The following BNC2 variants were observed in gnomAD, a reference collection of about 807,000 sequenced individuals.
The protein encoded by BNC2 is basonuclin zinc finger protein 2.
BNC2 carries 20 observed loss-of-function variants against 76.3 expected under a neutral mutation model. The observed-to-expected ratio is 0.26, with a 90% CI of 0.18 to 0.38. The LOEUF is 0.38. BNC2 is among the 10% of genes least tolerant of loss of function. The probability of loss-of-function intolerance (pLI) is 1.00; values close to 1 mark genes in which losing one functional copy is unlikely to be tolerated. For missense variants in BNC2, 1,382 were observed against 1,399.8 expected (o/e 0.99, Z 0.20); for synonymous variants, 582 against 514.8 (o/e 1.13, Z -1.77).
intron 3 of BNC2, among the ~76,000 whole-genome samples, chr9:16,654,422 T>C (rs1010572868): frequency 6.6e-6 from 1 of 152,194 alleles, no homozygotes; most frequent in African/African-American, 2.4e-5. Flanking sequence ...TAATTACCTT[T>C]ACTATCTTCA....
In BNC2 at chr9:16,529,200, C is replaced by T. The variant is rs1030509299; in HGVS notation, c.669+23330G>A. ...CTTGACTTAATCACATCTGCAAAAA[C>T]CCTTTTTTCCAAATAAGGTACCATT... On this transcript the variant is annotated intron_variant, in intron 5 of 6. Transcript: ENST00000380672. 3.3e-5 allele frequency among the ~76,000 whole-genome samples: 5 copies of T among 152,152 alleles called. 1 individual carries two copies. Among genetic ancestry groups the T allele is most frequent in the Non-Finnish European group, 7.3e-5 (5 of 68,044 alleles).
chr9:16,860,755 A>T (rs547975919), intron 1 of BNC2, among the ~76,000 whole-genome samples: 3 of 152,344 alleles, frequency 2.0e-5, no homozygotes, highest in African/African-American at 7.2e-5. Flanking sequence ...GTCAAAAGAC[A>T]GCCGGGGCTG....
At chr9:16,748,049 T>A (rs1017445208) in intron 1 of BNC2, among the ~76,000 whole-genome samples, 3 of 151,836 alleles carry the variant, frequency 2.0e-5, no homozygotes, top group Non-Finnish European at 4.4e-5. Flanking sequence ...ATAAACAACA[T>A]CTCCAAACAA....
At chr9:16,493,258 T>C (rs960324020) in intron 5 of BNC2, among the ~76,000 whole-genome samples, 2 of 152,224 alleles carry the variant, frequency 1.3e-5, no homozygotes, top group African/African-American at 4.8e-5. Flanking sequence ...TGCATCCTGA[T>C]AGGTTTTAGA....
intron 5 of BNC2, among the ~76,000 whole-genome samples, chr9:16,463,500 T>G (rs1048989243): frequency 1.8e-4 from 26 of 147,170 alleles, no homozygotes; most frequent in Admixed American, 4.0e-4. Context: ...GTTTCACCGT[T>G]TTAGCCAGGA....
chr9:16,462,961 T>C (rs1191704129), intron 5 of BNC2, among the ~76,000 whole-genome samples: 1 of 152,164 alleles, frequency 6.6e-6, no homozygotes, highest in African/African-American at 2.4e-5. Context: ...CTCTTCCTTC[T>C]CCAGAACCGA....
At chr9:16,723,356 T>C (rs111857701) in intron 3 of BNC2, among the ~76,000 whole-genome samples, 2 of 152,124 alleles carry the variant, frequency 1.3e-5, no homozygotes, top group Admixed American at 6.6e-5. Context: ...GGATGTCTAT[T>C]TGAGTGGGAC....
chr9:16,614,113 T>A (rs1820628181), intron 3 of BNC2, among the ~76,000 whole-genome samples: 1 of 152,324 alleles, frequency 6.6e-6, no homozygotes. Context: ...TAACCAGAAA[T>A]TAACGCTTGG....
At chr9:16,738,057 G>A (rs535262799) in intron 2 of BNC2, among the ~76,000 whole-genome samples, 3 of 152,080 alleles carry the variant, frequency 2.0e-5, no homozygotes, top group Non-Finnish European at 4.4e-5. Context: ...TAGAACAATA[G>A]GAAAGAAAGA....
intron 3 of BNC2, among the ~76,000 whole-genome samples, chr9:16,715,562 T>C (rs1431577076): frequency 2.0e-5 from 3 of 152,226 alleles, no homozygotes; most frequent in African/African-American, 7.2e-5. Flanking sequence ...AATATTTGAA[T>C]AGGTTGCCAA....
At chr9:16,861,741 A>G (rs1477633470) in intron 1 of BNC2, among the ~76,000 whole-genome samples, 5 of 152,288 alleles carry the variant, frequency 3.3e-5, no homozygotes, top group African/African-American at 1.2e-4. Flanking sequence ...TGAAATCCCA[A>G]CACTTTGGGA....
chr9:16,525,651 A>G (rs769596413), intron 5 of BNC2, among the ~76,000 whole-genome samples: 1 of 152,242 alleles, frequency 6.6e-6, no homozygotes, highest in Non-Finnish European at 1.5e-5. Context: ...CGATACATCC[A>G]TACAATGCAG....
At chr9:16,453,735 T>A (rs1473073113) in intron 5 of BNC2, among the ~76,000 whole-genome samples, 1 of 152,188 alleles carries the variant, frequency 6.6e-6, no homozygotes, top group Non-Finnish European at 1.5e-5. Flanking sequence ...GAGAACTGCT[T>A]GAACCCCAGA....
In BNC2 at chr9:16,842,040, C is replaced by T. The variant is rs536910282; in HGVS notation, c.3+28606G>A. 4.6e-5 allele frequency among the ~76,000 whole-genome samples: 7 copies of T among 152,300 alleles called. No individual in the cohort carries two copies. In the South Asian group the frequency reaches 1.2e-3, roughly 27 times the overall value. ...GGTCAGGCTGGTCTCGAACTCCTGA[C>T]CTCAGATGATCCACCTGCCTCGGCC... is the stretch of plus-strand genomic sequence containing the variant. On this transcript the variant is annotated intron_variant, in intron 1 of 6. Transcript: ENST00000380672.
At chr9:16,611,607 C>CA (rs1587233710) in intron 3 of BNC2, among the ~76,000 whole-genome samples, 1 of 151,642 alleles carries the variant, frequency 6.6e-6, no homozygotes, top group South Asian at 2.1e-4. Context: ...AGAACAACAA[C>CA]AAAAAAATTC....
At chr9:16,648,408 G>A (rs537689275) in intron 3 of BNC2, among the ~76,000 whole-genome samples, 1 of 152,328 alleles carries the variant, frequency 6.6e-6, no homozygotes. Context: ...TGATAGCAGT[G>A]ATTGAGAACA....
intron 1 of BNC2, among the ~76,000 whole-genome samples, chr9:16,788,959 T>C (rs1285559589): frequency 6.6e-6 from 1 of 152,148 alleles, no homozygotes; most frequent in Non-Finnish European, 1.5e-5. Flanking sequence ...TCTACTCCAT[T>C]AGCACCTGGT....
At chr9:16,784,108 A>G (rs1826219546) in intron 1 of BNC2, among the ~76,000 whole-genome samples, 1 of 152,228 alleles carries the variant, frequency 6.6e-6, no homozygotes, top group African/African-American at 2.4e-5. Flanking sequence ...CACATGAATA[A>G]GAAACAAACA....
At chr9:16,866,767 G>A (rs1819555325) in intron 1 of BNC2, among the ~76,000 whole-genome samples, 1 of 151,436 alleles carries the variant, frequency 6.6e-6, no homozygotes, top group African/African-American at 2.4e-5. Flanking sequence ...TGGCCAGAGT[G>A]TTTTTTAAAC....
Sources: allele counts gnomAD v4.1 joint callset (sites outside exome capture counted in the v4.1 genomes callset), GRCh38; gene constraint gnomAD v4.1.1; transcripts MANE v1.5; gene names NCBI Gene and HGNC (gene_info 2026-07-23, HGNC 2026-07-21).